INTS2: variants seen among roughly 807,000 people sequenced by gnomAD.
INTS2 encodes integrator complex subunit 2.
INTS2 carries 57 observed loss-of-function variants against 139.6 expected under a neutral mutation model. The observed-to-expected ratio is 0.41, with a 90% confidence interval of 0.33 to 0.51. The LOEUF is 0.51. Ranked by LOEUF, INTS2 falls within the 20% of genes least tolerant of loss-of-function variation. INTS2 has a pLI of 0.28. For synonymous variants in INTS2, 473 were observed against 493.4 expected, an observed-to-expected ratio of 0.96 and a Z score of 0.55; for missense variants, 1,196 against 1,436.7, an observed-to-expected ratio of 0.83 and a Z score of 2.71.
intron 9 of INTS2, among the ~76,000 whole-genome samples, chr17:61,900,506 T>C (rs543998826): frequency 6.6e-6 from 1 of 152,326 alleles, no homozygotes; most frequent in Admixed American, 6.5e-5. Flanking sequence ...CTACCAGCCC[T>C]TAACCCTCAC....
At chr17:61,879,100 T>C (rs832849) in intron 17 of INTS2, among the ~76,000 whole-genome samples, 76 of 114,848 alleles carry the variant, frequency 6.6e-4, no homozygotes, top group African/African-American at 1.1e-3. Flanking sequence ...TTTTTTTTTT[T>C]CCCTCTTGCC....
chr17:61,880,603 T>C (rs2079168956), intron 17 of INTS2, among the ~76,000 whole-genome samples: 1 of 151,598 alleles, frequency 6.6e-6, no homozygotes, highest in Non-Finnish European at 1.5e-5. Flanking sequence ...ACTAAAAAAA[T>C]CAGCCAGGCC....
chr17:61,885,148 A>G, intron 15 of INTS2, 143 bp from the exon 16 acceptor site: 1 of 616,600 alleles, frequency 1.6e-6, no homozygotes, highest in South Asian at 2.1e-5. Context: ...AAGATGAAGA[A>G]TCATTACGAA....
Position 61,869,236 on chromosome 17 carries a change from G to T in INTS2, c.3138+37C>A. ...TGTATAACTAGTAAGACTGGAGAGA[G>T]AGATCAATTGTCCTAAAGCTCCAAA... is the stretch of plus-strand genomic sequence containing the variant. On this transcript the variant is annotated intron_variant, in intron 22 of 24. Transcript: ENST00000251334. The surrounding 1 kb of genome is among the most constrained non-coding windows in gnomAD (Gnocchi z 5.4). The T allele has an allele frequency of 6.8e-7, 1 of 1,476,540 alleles. No homozygotes were observed. The highest frequency in any genetic ancestry group is 9.4e-7 in the Non-Finnish European group (1 of 1,063,432). 91.5% of individuals were successfully genotyped at this position (1,476,540 alleles called of 1,614,324 possible). A position where few individuals can be genotyped will look rare whatever the true frequency, so the allele number is the denominator to read the frequency against.
In INTS2 at chr17:61,904,500, G is replaced by A; in HGVS notation, c.1267C>T (p.Leu423Phe). The change falls in exon 9 of 25, where the codon CTT becomes TTT. Residue 423 changes from leucine (L) to phenylalanine (F), a missense_variant. This residue lies in a region of INTS2 where 1,129 missense variants were observed against 1,341.9 expected (regional missense o/e 0.84). Transcript: ENST00000251334. Reference protein sequence around the residue: ...ATPAGVRFVSLSFCMLLAFST... With the variant: ...ATPAGVRFVSFSFCMLLAFST... ...AAGGCCAGTAGCATACAAAAGGAAA[G>A]TGAAACAAAGCGAACCCCAGCTGGC... 6.2e-7 allele frequency: 1 copy of A among 1,611,658 alleles called. No individual in the cohort carries two copies. Among genetic ancestry groups the A allele is most frequent in the Non-Finnish European group, 8.5e-7 (1 of 1,178,314 alleles).
chr17:61,881,280 G>A, intron 16 of INTS2, 109 bp from the exon 17 acceptor site: 1 of 825,496 alleles, frequency 1.2e-6, no homozygotes, highest in Non-Finnish European at 1.9e-6. Context: ...AGAGGGTTAT[G>A]CTCTAAGTCA....
intron 5 of INTS2, among the ~76,000 whole-genome samples, chr17:61,913,274 G>A (rs2079546159): frequency 6.6e-6 from 1 of 151,272 alleles, no homozygotes; most frequent in Non-Finnish European, 1.5e-5. Flanking sequence ...AGGGGAGGCG[G>A]AGGTTGCCGT....
chr17:61,922,463 G>A (rs1328576167), intron 3 of INTS2, among the ~76,000 whole-genome samples: 6 of 85,316 alleles, frequency 7.0e-5, no homozygotes, highest in Admixed American at 3.0e-4. Flanking sequence ...ATGAGACTCC[G>A]TCTCAAAAAA....
chr17:61,914,509 C>T (rs921845931), intron 5 of INTS2, among the ~76,000 whole-genome samples: 3 of 152,012 alleles, frequency 2.0e-5, no homozygotes, highest in Non-Finnish European at 1.5e-5. Context: ...ACCATCCTGG[C>T]TAACACGGTG....
At chr17:61,902,818 T>C (rs1335946266) in intron 9 of INTS2, among the ~76,000 whole-genome samples, 1 of 145,036 alleles carries the variant, frequency 6.9e-6, no homozygotes, top group Non-Finnish European at 1.5e-5. Flanking sequence ...TACAGTGAGC[T>C]ATGATTGTGC....
In INTS2 at chr17:61,866,020, A is replaced by G. The variant is rs1218904651; in HGVS notation, c.*1537T>C. 7 of 152,492 alleles carry G rather than the reference A, an allele frequency of 4.6e-5. No homozygotes were observed. The highest frequency in any genetic ancestry group is 4.6e-4 in the Admixed American group (7 of 15,282). 9.4% of individuals were successfully genotyped at this position (152,492 alleles called of 1,614,324 possible). A position where few individuals can be genotyped will look rare whatever the true frequency, so the allele number is the denominator to read the frequency against. On this transcript the variant is annotated 3_prime_UTR_variant, in exon 25 of 25. Coordinates refer to ENST00000251334, the MANE Select transcript of INTS2 (RefSeq NM_001351695.2). ...TTACTAGTGAAAAGGCTAAAGTTAA[A>G]TTTCATTTCTCAAAAACTACACCTT...
Position 61,895,429 on chromosome 17 carries a change from A to G in INTS2, c.1495-46T>C, listed in dbSNP as rs116983332. Reference sequence around the variant, plus strand: ...CCAACAGCATGTAAAAATATATGAAACACAATTTATTCTAGGGAACTTATC... The same window carrying G: ...CCAACAGCATGTAAAAATATATGAAGCACAATTTATTCTAGGGAACTTATC... On this transcript the variant is annotated intron_variant, in intron 11 of 24. Transcript: ENST00000251334. 9,684 of 1,164,148 alleles carry G rather than the reference A, an allele frequency of 8.3e-3. 72 individuals carry two copies. The highest frequency in any genetic ancestry group is 0.028 in the Middle Eastern group (138 of 4,938). 72.1% of individuals were successfully genotyped at this position (1,164,148 alleles called of 1,614,324 possible). A position where few individuals can be genotyped will look rare whatever the true frequency, so the allele number is the denominator to read the frequency against.
chr17:61,923,280 A>G lies in INTS2; in HGVS notation c.433-1453T>C, dbSNP rs139472554. Among the ~76,000 whole-genome samples the G allele has an allele frequency of 8.6e-3, 1,302 of 151,434 alleles. 20 individuals carry two copies. The highest frequency in any genetic ancestry group is 0.03 in the African/African-American group (1,225 of 41,244). On this transcript the variant is annotated intron_variant, in intron 3 of 24. Coordinates refer to ENST00000251334, the MANE Select transcript of INTS2 (RefSeq NM_001351695.2). ...ATCACGAGATCAGGAGATCGAGACCATCCTGGCTAACACGGTGAAACCCCG... is the reference window on the plus strand; with the variant it reads ...ATCACGAGATCAGGAGATCGAGACCGTCCTGGCTAACACGGTGAAACCCCG...
In INTS2 at chr17:61,888,568, T is replaced by TGC. The variant is rs1567897745; in HGVS notation, c.1984+1217_1984+1218insGC. ...CTGTGTGCGTGTGTGTGCGTGCGTGTGTGTGTGTGTGTGTGTGTGTGTGGA... is the reference window on the plus strand; with the variant it reads ...CTGTGTGCGTGTGTGTGCGTGCGTGTGCGTGTGTGTGTGTGTGTGTGTGTGGA... On this transcript the variant is annotated intron_variant, in intron 15 of 24. Transcript: ENST00000251334. Among the ~76,000 whole-genome samples the TGC allele has an allele frequency of 7.3e-3, 594 of 81,278 alleles. 2 individuals are homozygous for TGC. The highest frequency in any genetic ancestry group is 0.038 in the African/African-American group (496 of 13,062). The allele number at this position is 81,278 out of a possible 152,430, so 53.3% of individuals were successfully genotyped here.
chr17:61,892,028 G>A (rs1375719457), intron 13 of INTS2, among the ~76,000 whole-genome samples: 2 of 152,044 alleles, frequency 1.3e-5, no homozygotes, highest in Admixed American at 6.6e-5. Context: ...CGTTAGATAG[G>A]AATTTGGAGA....
chr17:61,926,745 T>G, intron 1 of INTS2, 83 bp from the exon 2 acceptor site: 1 of 1,103,876 alleles, frequency 9.1e-7, no homozygotes, highest in East Asian at 2.6e-5. Flanking sequence ...CTGAAAAATG[T>G]GGTGTATCTT....
chr17:61,921,654 G>T, intron 4 of INTS2, 71 bp downstream of exon 4: 2 of 713,438 alleles, frequency 2.8e-6, no homozygotes, highest in Non-Finnish European at 4.5e-6. Context: ...AGCATACCAG[G>T]CTAAGAAGTT....
chr17:61,927,898 G>C lies in INTS2; in HGVS notation c.-263C>G. 1.2e-6 allele frequency: 2 copies of C among 1,613,904 alleles called. No individual in the cohort carries two copies. Among genetic ancestry groups the C allele is most frequent in the South Asian group, 1.1e-5 (1 of 91,072 alleles). On this transcript the variant is annotated 5_prime_UTR_variant, in exon 1 of 25. Coordinates refer to ENST00000251334, the MANE Select transcript of INTS2 (RefSeq NM_001351695.2). ...AAGGCAGAACCGGGACTGTAGGAACGGAAAAGCGGGAGACTTTTTCAACCT... is the reference window on the plus strand; with the variant it reads ...AAGGCAGAACCGGGACTGTAGGAACCGAAAAGCGGGAGACTTTTTCAACCT...
chr17:61,885,011 A>G lies in INTS2; in HGVS notation c.1985-6T>C, dbSNP rs769374454. Reference sequence around the variant, plus strand: ...GGGCTTTCTTTGCATGGCAGCTATCAAAGATAAAAAGTGTAAAATAAATAA... The same window carrying G: ...GGGCTTTCTTTGCATGGCAGCTATCGAAGATAAAAAGTGTAAAATAAATAA... On this transcript the variant is annotated splice_polypyrimidine_tract_variant and splice_region_variant and intron_variant, in intron 15 of 24. Transcript: ENST00000251334. The G allele has an allele frequency of 4.6e-6, 7 of 1,530,130 alleles. No homozygotes were observed. The highest frequency in any genetic ancestry group is 1.4e-5 in the African/African-American group (1 of 73,102). 94.8% of individuals were successfully genotyped at this position (1,530,130 alleles called of 1,614,324 possible).
Sources: allele counts gnomAD v4.1 joint callset (sites outside exome capture counted in the v4.1 genomes callset), GRCh38; gene constraint gnomAD v4.1.1; regional missense constraint gnomAD v4.1.1; non-coding constraint Gnocchi (gnomAD v3.1); transcripts MANE v1.5; gene names NCBI Gene and HGNC (gene_info 2026-07-23, HGNC 2026-07-21).